DPH6: variants seen among roughly 807,000 people sequenced by gnomAD.
The protein encoded by DPH6 is diphthine--ammonia ligase.
A neutral mutation model predicts 38.2 loss-of-function variants in DPH6; 33 were observed. That is an observed-to-expected ratio of 0.86 (90% CI 0.65 to 1.15). The LOEUF is 1.15. Among genes scored for constraint, DPH6 ranks in the 50% most tolerant of loss-of-function variants. The pLI is 0.00. For missense variants in DPH6, 325 were observed against 320.0 expected, an observed-to-expected ratio of 1.02 and a Z score of -0.12; for synonymous variants, 108 against 103.0, an observed-to-expected ratio of 1.05 and a Z score of -0.30.
the DPH6 span, among the ~76,000 whole-genome samples, chr15:35,186,799 A>C: frequency 6.6e-6 from 1 of 152,238 alleles, no homozygotes; most frequent in Non-Finnish European, 1.5e-5. Flanking sequence ...CCATGTTGGC[A>C]AGGATGTGGA....
downstream of DPH6, among the ~76,000 whole-genome samples, chr15:35,329,196 T>G (rs951981099): frequency 6.6e-6 from 1 of 152,188 alleles, no homozygotes; most frequent in Non-Finnish European, 1.5e-5. Flanking sequence ...TAATCTATAA[T>G]ACCAGGTAAT....
At chr15:35,328,262 C>T (rs995360450), downstream of DPH6, among the ~76,000 whole-genome samples, 4 of 152,062 alleles carry the variant, frequency 2.6e-5, no homozygotes, top group African/African-American at 7.2e-5. Context: ...TGACAGGCCC[C>T]GTTTTTCTCC....
intron 3 of DPH6, among the ~76,000 whole-genome samples, chr15:35,234,209 T>C (rs889675775): frequency 1.3e-5 from 2 of 152,252 alleles, no homozygotes; most frequent in Non-Finnish European, 2.9e-5. Context: ...ATTGAGCCTG[T>C]AGCAAATTCC....
chr15:35,529,909 TA>T (rs142616592), intron 3 of DPH6, among the ~76,000 whole-genome samples: 164 of 150,530 alleles, frequency 1.1e-3, no homozygotes, highest in Middle Eastern at 3.4e-3. Flanking sequence ...AAATAAAAAA[TA>T]AAAAAAAACA....
At chr15:35,407,876 T>G (rs1384571493) in intron 6 of DPH6, among the ~76,000 whole-genome samples, 1 of 152,028 alleles carries the variant, frequency 6.6e-6, no homozygotes, top group South Asian at 2.1e-4. Flanking sequence ...AGTTGTGACC[T>G]CATAGCTGTT....
chr15:35,358,704 G>A (rs956590151), intron 3 of DPH6, among the ~76,000 whole-genome samples: 5 of 152,132 alleles, frequency 3.3e-5, no homozygotes, highest in African/African-American at 1.2e-4. Context: ...CTGGTATTGG[G>A]GGTTGTCTGC....
chr15:35,155,767 G>A, the DPH6 span, among the ~76,000 whole-genome samples: 1 of 152,170 alleles, frequency 6.6e-6, no homozygotes, highest in Non-Finnish European at 1.5e-5. Flanking sequence ...TCTTTCATGA[G>A]AAAGGCACGA....
chr15:35,169,974 T>C, the DPH6 span, among the ~76,000 whole-genome samples: 1 of 152,232 alleles, frequency 6.6e-6, no homozygotes, highest in Non-Finnish European at 1.5e-5. Flanking sequence ...ACAATTTAAT[T>C]GGCAAATATT....
chr15:35,394,808 A>G (rs1006789467), intron 6 of DPH6, among the ~76,000 whole-genome samples: 4 of 152,230 alleles, frequency 2.6e-5, no homozygotes, highest in African/African-American at 9.6e-5. Flanking sequence ...CGTCTAGCAC[A>G]TAACATATAC....
chr15:35,388,831 C>T (rs1472705746), intron 6 of DPH6, among the ~76,000 whole-genome samples: 4 of 152,142 alleles, frequency 2.6e-5, no homozygotes. Flanking sequence ...TTTTTTGTGT[C>T]TCTATTTCCT....
chr15:35,385,337 G>A (rs918139533), intron 6 of DPH6, among the ~76,000 whole-genome samples: 30 of 151,870 alleles, frequency 2.0e-4, no homozygotes, highest in African/African-American at 5.3e-4. Context: ...ACTGCAGCAC[G>A]GTCACAATAG....
rs543757257 is a variant in DPH6, at chr15:35,413,312, G to C, written c.506-2416C>G. On this transcript the variant is annotated intron_variant, in intron 5 of 8. Transcript: ENST00000256538. ...CATGATCATACTTGTTAATTTTGTT[G>C]TTCACATCTTTTATGGCCTTAAAAA... Among the ~76,000 whole-genome samples, 336 of 151,376 alleles carry C rather than the reference G, an allele frequency of 2.2e-3. 1 individual carries two copies. Among genetic ancestry groups the C allele is most frequent in the African/African-American group, 7.7e-3 (320 of 41,374 alleles).
At chr15:35,306,378 A>G (rs1280511194) in intron 3 of DPH6, among the ~76,000 whole-genome samples, 1 of 152,118 alleles carries the variant, frequency 6.6e-6, no homozygotes, top group Admixed American at 6.5e-5. Context: ...CATCCTCACT[A>G]TGCTTACTCT....
At chr15:35,202,031 T>A in the DPH6 span, among the ~76,000 whole-genome samples, 1 of 151,834 alleles carries the variant, frequency 6.6e-6, no homozygotes, top group Non-Finnish European at 1.5e-5. Flanking sequence ...AATGAGAATT[T>A]GTTTTCCTTT....
chr15:35,231,701 C>T (rs755199632), intron 3 of DPH6, among the ~76,000 whole-genome samples: 1 of 152,142 alleles, frequency 6.6e-6, no homozygotes, highest in Non-Finnish European at 1.5e-5. Context: ...TGGCTTAGTT[C>T]TGCAAGCTGT....
At chr15:35,284,343 T>G (rs1344051361) in intron 3 of DPH6, among the ~76,000 whole-genome samples, 1 of 152,178 alleles carries the variant, frequency 6.6e-6, no homozygotes, top group Non-Finnish European at 1.5e-5. Flanking sequence ...TAGAGGAAAT[T>G]AAGTGCTGCT....
intron 3 of DPH6, among the ~76,000 whole-genome samples, chr15:35,342,793 A>T (rs1006277313): frequency 2.0e-5 from 3 of 152,156 alleles, no homozygotes; most frequent in Non-Finnish European, 2.9e-5. Flanking sequence ...ATTCATCTTC[A>T]TCAGGTCTGT....
intron 3 of DPH6, among the ~76,000 whole-genome samples, chr15:35,336,770 A>C (rs1291071873): frequency 1.3e-5 from 2 of 152,136 alleles, no homozygotes; most frequent in African/African-American, 2.4e-5. Flanking sequence ...GTATATTGAA[A>C]CAGCCTTGCA....
At chr15:35,289,743 G>C (rs1441983291) in intron 3 of DPH6, among the ~76,000 whole-genome samples, 1 of 152,126 alleles carries the variant, frequency 6.6e-6, no homozygotes, top group East Asian at 1.9e-4. Flanking sequence ...TATCTAAACT[G>C]TTTTGTCCTT....
Sources: gnomAD v4.1 joint callset for allele counts (sites outside exome capture counted in the v4.1 genomes callset) on GRCh38, gnomAD v4.1.1 for gene constraint, MANE v1.5 for transcripts, NCBI Gene and HGNC (gene_info 2026-07-23, HGNC 2026-07-21) for gene names.